CARS1: variants seen among roughly 807,000 people sequenced by gnomAD.
CARS1 encodes the protein cysteine--tRNA ligase, cytoplasmic.
CARS1 carries 48 observed loss-of-function variants against 106.2 expected under a neutral mutation model. The observed-to-expected ratio is 0.45, with a 90% CI of 0.36 to 0.57. CARS1 has a LOEUF of 0.57. Ranked by LOEUF, CARS1 falls within the 20% of genes least tolerant of loss-of-function variation. CARS1 has a pLI of 0.00. For missense variants in CARS1, 968 were observed against 1,057.2 expected (o/e 0.92, Z 1.17); for synonymous variants, 409 against 403.4 (o/e 1.01, Z -0.17).
At chr11:3,015,073 A>G (rs1013093941) in intron 17 of CARS1, among the ~76,000 whole-genome samples, 1 of 152,226 alleles carries the variant, frequency 6.6e-6, no homozygotes, top group African/African-American at 2.4e-5. Context: ...CAGACGGGAC[A>G]GGGGTTCTAC....
rs1172394458 is a variant in CARS1, at chr11:3,050,286, C to T, written c.26-2285G>A. ...CTTGCCCTGCTTCCTTCCCACTGCA[C>T]GGAGCCACTGTCCCATCTGACCCCA... On this transcript the variant is annotated intron_variant, in intron 1 of 22. Coordinates refer to ENST00000380525, the MANE Select transcript of CARS1 (RefSeq NM_001014437.3). The surrounding 1 kb of genome is among the most constrained non-coding windows in gnomAD (Gnocchi z 6.3). Among the ~76,000 whole-genome samples the T allele has an allele frequency of 6.6e-6, 1 of 152,096 alleles. No individual in the cohort carries two copies. The highest frequency in any genetic ancestry group is 1.5e-5 in the Non-Finnish European group (1 of 68,008).
intron 1 of CARS1, among the ~76,000 whole-genome samples, chr11:3,055,833 G>C (rs905147716): frequency 6.6e-6 from 1 of 152,184 alleles, no homozygotes; most frequent in Admixed American, 6.5e-5. Flanking sequence ...ACTGTTCTAC[G>C]TCCTTCCCAT....
chr11:3,014,984 C>A (rs1442845274), intron 17 of CARS1, among the ~76,000 whole-genome samples: 4 of 152,240 alleles, frequency 2.6e-5, no homozygotes, highest in Non-Finnish European at 4.4e-5. Context: ...GATCTGCATT[C>A]TAATCGAATA....
At chr11:3,005,198 G>A (rs1362301237) in intron 20 of CARS1, among the ~76,000 whole-genome samples, 168 bp downstream of exon 20, 2 of 151,572 alleles carry the variant, frequency 1.3e-5, no homozygotes, top group African/African-American at 4.9e-5. Flanking sequence ...TTTTAAAAGA[G>A]GTCCTTCATT....
At position 3,050,975 on chromosome 11, in the gene CARS1, T is replaced by G. The variant is rs1295913913; in HGVS notation, c.26-2974A>C. 6.6e-6 allele frequency among the ~76,000 whole-genome samples: 1 copy of G among 152,234 alleles called. No homozygotes were observed. The highest frequency in any genetic ancestry group is 1.9e-4 in the East Asian group (1 of 5,190). On this transcript the variant is annotated intron_variant, in intron 1 of 22. Coordinates refer to ENST00000380525, the MANE Select transcript of CARS1 (RefSeq NM_001014437.3). The surrounding 1 kb of genome is among the most constrained non-coding windows in gnomAD (Gnocchi z 6.3). Reference sequence around the variant, plus strand: ...AGCATCTACAACTGAGCGTGTGACATTCCAGATATCAGCTAAAGTTGCCTA... The same window carrying G: ...AGCATCTACAACTGAGCGTGTGACAGTCCAGATATCAGCTAAAGTTGCCTA...
At position 3,003,689 on chromosome 11, in the gene CARS1, G is replaced by C. The variant is rs1046156692; in HGVS notation, c.2218-1089C>G. 3.3e-5 allele frequency among the ~76,000 whole-genome samples: 5 copies of C among 152,314 alleles called. No homozygotes were observed. In the East Asian group the frequency reaches 9.6e-4, roughly 29 times the overall value. Reference sequence around the variant, plus strand: ...CAGGGCTGGCCGAGGGAAAGGGGCTGAGGTGGGGGAGGAGCTGGGCACTGA... The same window carrying C: ...CAGGGCTGGCCGAGGGAAAGGGGCTCAGGTGGGGGAGGAGCTGGGCACTGA... On this transcript the variant is annotated intron_variant, in intron 20 of 22. Transcript: ENST00000380525. The surrounding 1 kb of genome is among the most constrained non-coding windows in gnomAD (Gnocchi z 4.8).
chr11:3,057,220 TGCCCCTCAGAACCCATGCACCCGG>T, intron 1 of CARS1, 99 bp downstream of exon 1: 2 of 827,994 alleles, frequency 2.4e-6, no homozygotes, highest in Non-Finnish European at 3.9e-6. Context: ...CGGACACAGC[TGCCCCTCAGAACCCATGCACCCGG>T]GCCCCTCAGA....
At position 3,018,666 on chromosome 11, in the gene CARS1, T is replaced by A. The variant is rs1402528852; in HGVS notation, c.1479A>T (p.Ser493=). The change falls in exon 13 of 23, where the codon TCA becomes TCT. Residue 493 remains serine, a synonymous_variant. Transcript: ENST00000380525. ...LTIAGCKMSK[S]LKNFITIKDA... ...CTTTAATGGTGATGAAGTTTTTTAG[T>A]GACTTTGACATTTTGCAGCCTGCAA... 6.2e-7 allele frequency: 1 copy of A among 1,614,234 alleles called. No homozygotes were observed. Among genetic ancestry groups the A allele is most frequent in the Admixed American group, 1.7e-5 (1 of 60,030 alleles).
chr11:3,042,295 G>T, intron 2 of CARS1, 39 bp from the exon 3 acceptor site: 1 of 1,505,394 alleles, frequency 6.6e-7, no homozygotes, highest in Non-Finnish European at 9.1e-7. Flanking sequence ...TCCAGGGGCA[G>T]CACCAGGAAG....
chr11:3,029,746 C>A lies in CARS1; in HGVS notation c.802-303G>T. On this transcript the variant is annotated intron_variant, in intron 7 of 22. Coordinates refer to ENST00000380525, the MANE Select transcript of CARS1 (RefSeq NM_001014437.3). The surrounding 1 kb of genome is among the most constrained non-coding windows in gnomAD (Gnocchi z 5.9). ...GGGCCTGGTGAGCATGTGCAGCCTA[C>A]CTGGGCCGTGCAGGGCAGGGTTATG... 1 of 424,534 alleles carries A rather than the reference C, an allele frequency of 2.4e-6. No homozygotes were observed. The highest frequency in any genetic ancestry group is 3.7e-5 in the South Asian group (1 of 27,326). The allele number at this position is 424,534 out of a possible 1,614,324, so 26.3% of individuals were successfully genotyped here. A position where few individuals can be genotyped will look rare whatever the true frequency, so the allele number is the denominator to read the frequency against.
intron 18 of CARS1, 141 bp downstream of exon 18, chr11:3,012,054 T>G: frequency 1.3e-6 from 1 of 746,740 alleles, no homozygotes; most frequent in Non-Finnish European, 2.3e-6. Flanking sequence ...CGGGATGCCG[T>G]TCAACACCCT....
Position 3,034,723 on chromosome 11 carries a change from A to G in CARS1, c.801+3327T>C, listed in dbSNP as rs1853373878. Among the ~76,000 whole-genome samples the G allele has an allele frequency of 6.7e-6, 1 of 149,674 alleles. No homozygotes were observed. The highest frequency in any genetic ancestry group is 1.5e-5 in the Non-Finnish European group (1 of 67,704). ...TTTTTTTTTTTTATTTTTAGTAGAG[A>G]CGGGGTTTCACCATGTTGGCCAGGA... On this transcript the variant is annotated intron_variant, in intron 7 of 22. Transcript: ENST00000380525. This position sits in a 1 kb window ranked among gnomAD's most constrained non-coding sequence, Gnocchi z 6.3.
intron 7 of CARS1, among the ~76,000 whole-genome samples, chr11:3,035,341 A>G (rs1853477815): frequency 6.6e-6 from 1 of 152,222 alleles, no homozygotes; most frequent in African/African-American, 2.4e-5. Flanking sequence ...GAGGTTGGAA[A>G]AAGGGACATT....
At position 3,042,274 on chromosome 11, in the gene CARS1, C is replaced by A; in HGVS notation, c.275-18G>T. ...GCCTTTGCCTGGGAGGCAGAGAGAG[C>A]AGGATCAGGGTCCAGGGGCAGCACC... On this transcript the variant is annotated intron_variant, in intron 2 of 22. Transcript: ENST00000380525. 1 of 1,603,214 alleles carries A rather than the reference C, an allele frequency of 6.2e-7. No individual in the cohort carries two copies. Among genetic ancestry groups the A allele is most frequent in the East Asian group, 2.2e-5 (1 of 44,810 alleles).
At position 3,018,684 on chromosome 11, in the gene CARS1, G is replaced by A. The variant is rs1851280772; in HGVS notation, c.1461C>T (p.Gly487=). 1.2e-6 allele frequency: 2 copies of A among 1,614,064 alleles called. No individual in the cohort carries two copies. The highest frequency in any genetic ancestry group is 3.3e-5 in the Admixed American group (2 of 60,008). Residue 487 remains glycine (G), a synonymous_variant, in exon 13 of 23, where the codon GGC becomes GGT. Coordinates refer to ENST00000380525, the MANE Select transcript of CARS1 (RefSeq NM_001014437.3). ...TTTTTAGTGACTTTGACATTTTGCA[G>A]CCTGCAATGGTCAGGTGGCCTGTGT... The part of the protein sequence containing the change: ...FLHTGHLTIA[G]CKMSKSLKNF...
Position 3,003,399 on chromosome 11 carries a change from G to A in CARS1, c.2218-799C>T, listed in dbSNP as rs1438258886. Among the ~76,000 whole-genome samples, 2 of 152,186 alleles carry A rather than the reference G, an allele frequency of 1.3e-5. No homozygotes were observed. Among genetic ancestry groups the A allele is most frequent in the African/African-American group, 2.4e-5 (1 of 41,444 alleles). ...GAAGGAGGAACAAGTTTGGGGAGTT[G>A]AAAATCACATTTACTTTGGACAGCC... On this transcript the variant is annotated intron_variant, in intron 20 of 22. Transcript: ENST00000380525. The surrounding 1 kb of genome is among the most constrained non-coding windows in gnomAD (Gnocchi z 4.8).
intron 18 of CARS1, 46 bp downstream of exon 18, chr11:3,012,149 A>G (rs1041465938): frequency 1.3e-6 from 2 of 1,531,446 alleles, no homozygotes; most frequent in Admixed American, 1.7e-5. Flanking sequence ...CGGGGAGCCC[A>G]GTGAGGGGAG....
intron 10 of CARS1, among the ~76,000 whole-genome samples, chr11:3,025,144 G>A (rs547106887): frequency 3.3e-5 from 5 of 152,246 alleles, no homozygotes; most frequent in Admixed American, 6.5e-5. Context: ...CCACAAACCC[G>A]GAGCCTGAAA....
At chr11:3,056,760 C>A (rs420127) in intron 1 of CARS1, among the ~76,000 whole-genome samples, 15 of 152,150 alleles carry the variant, frequency 9.9e-5, no homozygotes, top group African/African-American at 2.6e-4. Flanking sequence ...TTGTCTCCCC[C>A]CTAAAGGCCA....
Sources: gnomAD v4.1 joint callset for allele counts (sites outside exome capture counted in the v4.1 genomes callset) on GRCh38, gnomAD v4.1.1 for gene constraint, Gnocchi (gnomAD v3.1) non-coding constraint, MANE v1.5 for transcripts, NCBI Gene and HGNC (gene_info 2026-07-23, HGNC 2026-07-21) for gene names.